Variants in CAP2 observed in about 807,000 individuals in gnomAD.
CAP2 encodes adenylyl cyclase-associated protein 2.
In CAP2, 24 loss-of-function variants were observed where a neutral mutation model predicts 57.7. The ratio of observed to expected loss-of-function variants is 0.42; its 90% confidence interval spans 0.30 to 0.58. CAP2 has a LOEUF of 0.58. CAP2 is among the 20% of genes least tolerant of loss of function. CAP2 has a pLI of 0.22. For synonymous variants in CAP2, 194 were observed against 207.2 expected (o/e 0.94, Z 0.55); for missense variants, 501 against 590.3 (o/e 0.85, Z 1.57).
At position 17,463,082 on chromosome 6, in the gene CAP2, G is replaced by A; in HGVS notation, c.300+9G>A. The stretch of plus-strand genomic sequence containing the variant: ...ACCAACAACCCCACGAGGTAAGAGA[G>A]TGTCCTGAGAGGGAAGGTGTCCCAG... On this transcript the variant is annotated intron_variant, in intron 4 of 12. Coordinates refer to ENST00000229922, the MANE Select transcript of CAP2 (RefSeq NM_006366.3). The A allele has an allele frequency of 6.2e-7, 1 of 1,604,046 alleles. No homozygotes were observed. The highest frequency in any genetic ancestry group is 8.5e-7 in the Non-Finnish European group (1 of 1,170,902).
At chr6:17,475,668 G>C (rs1328856505) in intron 4 of CAP2, among the ~76,000 whole-genome samples, 5 of 152,162 alleles carry the variant, frequency 3.3e-5, no homozygotes, top group African/African-American at 1.2e-4. Flanking sequence ...AATTCACATG[G>C]GCTGTGGAGA....
intron 7 of CAP2, among the ~76,000 whole-genome samples, chr6:17,530,525 A>G (rs547412381): frequency 6.6e-6 from 1 of 152,288 alleles, no homozygotes; most frequent in East Asian, 1.9e-4. Context: ...TAACTGACAA[A>G]CAAAAGGGAG....
At chr6:17,547,579 C>A (rs771938174) in intron 11 of CAP2, among the ~76,000 whole-genome samples, 1 of 152,152 alleles carries the variant, frequency 6.6e-6, no homozygotes, top group East Asian at 1.9e-4. Context: ...CGGTGGCTCA[C>A]GCCTGTAATC....
chr6:17,477,033 C>A (rs993122707), intron 4 of CAP2, among the ~76,000 whole-genome samples: 1 of 151,960 alleles, frequency 6.6e-6, no homozygotes. Context: ...CCACTCCCAG[C>A]TAATTTTTTG....
At chr6:17,405,402 G>T (rs1031300918) in intron 1 of CAP2, among the ~76,000 whole-genome samples, 1 of 151,996 alleles carries the variant, frequency 6.6e-6, no homozygotes, top group Non-Finnish European at 1.5e-5. Context: ...AAAGTTTAAT[G>T]TATAAATTAG....
intron 12 of CAP2, among the ~76,000 whole-genome samples, chr6:17,552,830 GT>G (rs1763202149): frequency 1.3e-5 from 2 of 152,144 alleles, no homozygotes; most frequent in Admixed American, 1.3e-4. Flanking sequence ...AGCAGACGGT[GT>G]GACTGCTGCC....
intron 4 of CAP2, among the ~76,000 whole-genome samples, chr6:17,467,032 T>C (rs564389523): frequency 2.0e-4 from 31 of 152,112 alleles, no homozygotes; most frequent in Non-Finnish European, 4.0e-4. Flanking sequence ...GTTTTGGGCA[T>C]TGGGGAGGGA....
At chr6:17,517,942 T>A (rs887998647) in intron 7 of CAP2, among the ~76,000 whole-genome samples, 4 of 152,044 alleles carry the variant, frequency 2.6e-5, no homozygotes, top group African/African-American at 4.8e-5. Flanking sequence ...TAAAACGTGT[T>A]ACATTTATAC....
intron 3 of CAP2, among the ~76,000 whole-genome samples, chr6:17,453,717 G>T (rs1240705245): frequency 1.3e-5 from 2 of 152,106 alleles, no homozygotes; most frequent in Non-Finnish European, 2.9e-5. Flanking sequence ...GTGGTAATTA[G>T]TACGGGATTA....
chr6:17,438,650 A>G (rs1372861814), intron 3 of CAP2, among the ~76,000 whole-genome samples: 10 of 147,494 alleles, frequency 6.8e-5, no homozygotes, highest in Non-Finnish European at 1.3e-4. Context: ...AGTGTTAGCC[A>G]GGATGGTCTC....
intron 4 of CAP2, among the ~76,000 whole-genome samples, chr6:17,495,630 C>A (rs1447197077): frequency 6.6e-6 from 1 of 152,106 alleles, no homozygotes; most frequent in Non-Finnish European, 1.5e-5. Context: ...CTATGGGACT[C>A]CTCTGGACTT....
chr6:17,556,268 A>C, intron 12 of CAP2, 91 bp from the exon 13 acceptor site: 1 of 892,576 alleles, frequency 1.1e-6, no homozygotes. Flanking sequence ...TGTGGCACAA[A>C]TCAGCCTCAC....
chr6:17,421,572 G>T lies in CAP2; in HGVS notation c.17G>T (p.Gly6Val). Reference sequence around the variant, plus strand: ...TTTTCTAGAATGGCCAACATGCAGGGACTGGTGGAAAGACTGGAACGAGCT... The same window carrying T: ...TTTTCTAGAATGGCCAACATGCAGGTACTGGTGGAAAGACTGGAACGAGCT... MANMQ[G>V]LVERLERAVS... The change falls in exon 2 of 13, where the codon GGA becomes GTA. Residue 6 changes from glycine (G) to valine (V), a missense_variant. Gly to Val is a moderately radical substitution (Grantham distance 109, BLOSUM62 -3). Transcript: ENST00000229922. 2 of 1,614,212 alleles carry T rather than the reference G, an allele frequency of 1.2e-6. No individual in the cohort carries two copies. Among genetic ancestry groups the T allele is most frequent in the Non-Finnish European group, 1.7e-6 (2 of 1,180,040 alleles).
At chr6:17,531,103 CGA>C (rs1354175948) in intron 7 of CAP2, 1 of 761,684 alleles carries the variant, frequency 1.3e-6, no homozygotes, top group Admixed American at 1.7e-5. Context: ...CCATATTTAC[CGA>C]GAGATTGAGC....
At chr6:17,556,296 A>C in intron 12 of CAP2, 63 bp from the exon 13 acceptor site, 1 of 1,174,414 alleles carries the variant, frequency 8.5e-7, no homozygotes, top group Non-Finnish European at 1.3e-6. Flanking sequence ...TTGCAAAAGG[A>C]AGCCTTAGTT....
At chr6:17,457,440 G>A (rs7771920) in intron 3 of CAP2, among the ~76,000 whole-genome samples, 3,680 of 152,310 alleles carry the variant, frequency 0.024, 163 homozygotes, top group African/African-American at 0.084. Context: ...TGGTTGAAGG[G>A]ACTCATGGAA....
chr6:17,421,436 A>C, intron 1 of CAP2, 119 bp from the exon 2 acceptor site: 3 of 991,904 alleles, frequency 3.0e-6, no homozygotes, highest in Non-Finnish European at 4.6e-6. Context: ...TAAAAAATAA[A>C]AATAAAGCCA....
chr6:17,439,255 G>GTTT (rs36031913), intron 3 of CAP2, among the ~76,000 whole-genome samples: 2 of 146,604 alleles, frequency 1.4e-5, no homozygotes, highest in Non-Finnish European at 1.5e-5. Flanking sequence ...GGATCCAACT[G>GTTT]TTTTTTTTTT....
intron 4 of CAP2, among the ~76,000 whole-genome samples, chr6:17,494,563 C>G (rs1761619811): frequency 6.6e-6 from 1 of 152,156 alleles, no homozygotes; most frequent in Non-Finnish European, 1.5e-5. Flanking sequence ...ACCCACCCCC[C>G]ATATATATTT....
Sources: allele counts gnomAD v4.1 joint callset (sites outside exome capture counted in the v4.1 genomes callset), GRCh38; gene constraint gnomAD v4.1.1; transcripts MANE v1.5; gene names NCBI Gene and HGNC (gene_info 2026-07-23, HGNC 2026-07-21).